ARHGAP25: variants seen among roughly 807,000 people sequenced by gnomAD.
ARHGAP25 encodes the protein rho GTPase-activating protein 25.
ARHGAP25 carries 34 observed loss-of-function variants against 71.0 expected under a neutral mutation model. The ratio of observed to expected loss-of-function variants is 0.48; its 90% confidence interval spans 0.36 to 0.64. The LOEUF (loss-of-function observed/expected upper bound fraction) is 0.64, where lower values mean the gene tolerates loss of function less well. Among genes scored for constraint, ARHGAP25 ranks in the 30% least tolerant of loss-of-function variants. ARHGAP25 has a pLI of 0.00. For synonymous variants in ARHGAP25, 282 were observed against 296.5 expected, an observed-to-expected ratio of 0.95 and a Z score of 0.50; for missense variants, 706 against 805.1, an observed-to-expected ratio of 0.88 and a Z score of 1.49.
chr2:68,776,453 G>A (rs1476221913), intron 2 of ARHGAP25, among the ~76,000 whole-genome samples: 1 of 152,228 alleles, frequency 6.6e-6, no homozygotes, highest in Non-Finnish European at 1.5e-5. Flanking sequence ...GGGTTATGAT[G>A]TTTAGGGGCT....
intron 1 of ARHGAP25, among the ~76,000 whole-genome samples, chr2:68,771,728 G>C (rs1003651567): frequency 6.6e-6 from 1 of 152,230 alleles, no homozygotes; most frequent in East Asian, 1.9e-4. Context: ...AATTCCAGCA[G>C]TGTGGAACTT....
At chr2:68,716,464 G>A (rs762246835) in intron 2 of ARHGAP25, among the ~76,000 whole-genome samples, 1 of 152,184 alleles carries the variant, frequency 6.6e-6, no homozygotes, top group Non-Finnish European at 1.5e-5. Context: ...CAAGGTAGAT[G>A]GGGACACTGT....
upstream of ARHGAP25, among the ~76,000 whole-genome samples, chr2:68,730,815 G>A (rs1321022578): frequency 6.6e-6 from 1 of 152,114 alleles, no homozygotes; most frequent in Non-Finnish European, 1.5e-5. Context: ...CCGTATTTGT[G>A]TTTTCACAGC....
intron 2 of ARHGAP25, among the ~76,000 whole-genome samples, chr2:68,727,468 C>A (rs1026543072): frequency 2.6e-5 from 4 of 152,154 alleles, no homozygotes; most frequent in African/African-American, 9.7e-5. Context: ...TGATCTGCCT[C>A]AGAGGGTCTG....
intron 4 of ARHGAP25, among the ~76,000 whole-genome samples, chr2:68,791,134 G>A (rs547727942): frequency 2.0e-4 from 30 of 152,246 alleles, no homozygotes; most frequent in South Asian, 8.3e-4. Context: ...TCTGTTTAAC[G>A]TTGGACCCCT....
At chr2:68,806,421 C>T (rs1296401870) in intron 4 of ARHGAP25, among the ~76,000 whole-genome samples, 1 of 152,210 alleles carries the variant, frequency 6.6e-6, no homozygotes, top group Non-Finnish European at 1.5e-5. Context: ...AGTAGTCCCT[C>T]TTTATCCTTG....
chr2:68,809,248 A>G (rs1368646088), intron 5 of ARHGAP25, among the ~76,000 whole-genome samples: 1 of 151,274 alleles, frequency 6.6e-6, no homozygotes. Context: ...TTCTCATTCC[A>G]TGGTGTGTTT....
intron 1 of ARHGAP25, among the ~76,000 whole-genome samples, chr2:68,747,656 C>T (rs532310344): frequency 4.6e-5 from 7 of 152,326 alleles, no homozygotes; most frequent in African/African-American, 1.4e-4. Context: ...GCTTCCCTCC[C>T]CCAGTGTGTC....
chr2:68,745,033 A>G (rs1675737545), intron 1 of ARHGAP25, among the ~76,000 whole-genome samples: 1 of 152,264 alleles, frequency 6.6e-6, no homozygotes, highest in African/African-American at 2.4e-5. Context: ...CTACGAAGAC[A>G]TACCTGAATG....
chr2:68,760,009 C>T (rs201744438), intron 1 of ARHGAP25, among the ~76,000 whole-genome samples: 2 of 151,960 alleles, frequency 1.3e-5, no homozygotes, highest in East Asian at 3.8e-4. Flanking sequence ...GGGATTTATT[C>T]TTGAAATGCA....
intron 2 of ARHGAP25, among the ~76,000 whole-genome samples, chr2:68,723,243 C>T (rs1414873415): frequency 6.6e-6 from 1 of 152,136 alleles, no homozygotes; most frequent in Non-Finnish European, 1.5e-5. Flanking sequence ...GTGATCATTC[C>T]CTTGGAAGAG....
intron 4 of ARHGAP25, among the ~76,000 whole-genome samples, chr2:68,800,042 A>G (rs1679856709): frequency 6.6e-6 from 1 of 152,116 alleles, no homozygotes; most frequent in African/African-American, 2.4e-5. Context: ...CTCCGAAAGA[A>G]AGGTATTTCT....
At chr2:68,739,832 C>T (rs1390495976) in intron 1 of ARHGAP25, among the ~76,000 whole-genome samples, 1 of 152,082 alleles carries the variant, frequency 6.6e-6, no homozygotes, top group Non-Finnish European at 1.5e-5. Context: ...AAATAATTGA[C>T]ATTTTTTGTG....
intron 5 of ARHGAP25, among the ~76,000 whole-genome samples, chr2:68,810,358 G>C (rs1052987371): frequency 6.6e-6 from 1 of 152,140 alleles, no homozygotes; most frequent in Non-Finnish European, 1.5e-5. Flanking sequence ...TAGAACAGGG[G>C]CTTTTCACAT....
At chr2:68,745,522 A>G (rs972986998) in intron 1 of ARHGAP25, among the ~76,000 whole-genome samples, 3 of 152,102 alleles carry the variant, frequency 2.0e-5, no homozygotes, top group African/African-American at 7.2e-5. Flanking sequence ...ATTTTTCCTC[A>G]TCATAACCCC....
rs2104356942 is a variant in ARHGAP25, at chr2:68,767,557, CTGTGG to C, written c.62-7658_62-7654del. Among the ~76,000 whole-genome samples, 1 of 152,260 alleles carries C rather than the reference CTGTGG, an allele frequency of 6.6e-6. No individual in the cohort carries two copies. The highest frequency in any genetic ancestry group is 2.4e-5 in the African/African-American group (1 of 41,528). Reference sequence around the variant, plus strand: ...GCTCCCCAGTCGGCTCCTTCCTCAGCTGTGGTGTGGGCCTGACTGCCGGCCCACGG... The same window carrying C: ...GCTCCCCAGTCGGCTCCTTCCTCAGCTGTGGGCCTGACTGCCGGCCCACGG... On this transcript the variant is annotated intron_variant, in intron 1 of 10. Transcript: ENST00000409202. This position sits in a 1 kb window ranked among gnomAD's most constrained non-coding sequence, Gnocchi z 4.6.
intron 2 of ARHGAP25, among the ~76,000 whole-genome samples, chr2:68,711,804 T>C (rs1005305654): frequency 6.6e-6 from 1 of 152,138 alleles, no homozygotes; most frequent in Non-Finnish European, 1.5e-5. Flanking sequence ...TTGCTTAGAA[T>C]GATGGTTTCC....
intron 10 of ARHGAP25, among the ~76,000 whole-genome samples, chr2:68,825,720 A>G (rs577510092): frequency 6.6e-6 from 1 of 152,184 alleles, no homozygotes; most frequent in East Asian, 1.9e-4. Context: ...GCTTGCAGTG[A>G]GCCGAGATCG....
At position 68,762,723 on chromosome 2, in the gene ARHGAP25, G is replaced by A. The variant is rs986110361; in HGVS notation, c.62-12498G>A. On this transcript the variant is annotated intron_variant, in intron 1 of 10. Coordinates refer to ENST00000409202, the MANE Select transcript of ARHGAP25 (RefSeq NM_001007231.3). Reference sequence around the variant, plus strand: ...AAAAGAAAAAAGAAACAAAAATGGTGTTCTTCTAGTTCTTCCATGAGAACT... The same window carrying A: ...AAAAGAAAAAAGAAACAAAAATGGTATTCTTCTAGTTCTTCCATGAGAACT... 6.6e-5 allele frequency among the ~76,000 whole-genome samples: 10 copies of A among 152,274 alleles called. No individual in the cohort carries two copies. The South Asian group carries it at 2.1e-3, about 32-fold the overall frequency.
Sources: gnomAD v4.1 joint callset for allele counts (sites outside exome capture counted in the v4.1 genomes callset) on GRCh38, gnomAD v4.1.1 for gene constraint, Gnocchi (gnomAD v3.1) non-coding constraint, MANE v1.5 for transcripts, NCBI Gene and HGNC (gene_info 2026-07-23, HGNC 2026-07-21) for gene names.